Variants in GGACT observed in about 807,000 individuals in gnomAD.
GGACT encodes the protein gamma-glutamylaminecyclotransferase.
For missense variants in GGACT, 241 were observed against 233.2 expected, an observed-to-expected ratio of 1.03 and a Z score of -0.22; for synonymous variants, 118 against 115.3, an observed-to-expected ratio of 1.02 and a Z score of -0.15.
intron 2 of GGACT, among the ~76,000 whole-genome samples, chr13:100,555,892 C>G (rs566383075): frequency 6.6e-6 from 1 of 152,164 alleles, no homozygotes; most frequent in African/African-American, 2.4e-5. Flanking sequence ...AACCACATGA[C>G]GATCTCAATA....
Position 100,532,154 on chromosome 13 carries a change from G to A in GGACT, c.438C>T (p.Arg146=). The change falls in exon 3 of 3, where the codon CGC becomes CGT. Residue 146 remains arginine, a synonymous_variant. Transcript: ENST00000683975. ...CTTATCTGTTCTCCCGGGGGTTGTA[G>A]CGCAGCCCGTGCGGCCCCTCGGAGT... The part of the protein sequence containing the change: ...SYDSEGPHGL[R]YNPRENR 6.9e-7 allele frequency: 1 copy of A among 1,456,258 alleles called. No homozygotes were observed. Among genetic ancestry groups the A allele is most frequent in the Non-Finnish European group, 9.1e-7 (1 of 1,098,946 alleles). The allele number at this position is 1,456,258 out of a possible 1,614,324, so 90.2% of individuals were successfully genotyped here.
chr13:100,539,914 G>A, intron 2 of GGACT: 1 of 1,393,574 alleles, frequency 7.2e-7, no homozygotes, highest in East Asian at 2.3e-5. Context: ...CATGGGCTTT[G>A]GTGGGGGACG....
intron 2 of GGACT, among the ~76,000 whole-genome samples, chr13:100,574,120 A>G (rs1052970325): frequency 6.6e-6 from 1 of 152,256 alleles, no homozygotes; most frequent in African/African-American, 2.4e-5. Flanking sequence ...AACAGCAAAG[A>G]CATGGAACCA....
Position 100,531,183 on chromosome 13 carries a change from A to C in GGACT, c.*947T>G, listed in dbSNP as rs1284959467. On this transcript the variant is annotated 3_prime_UTR_variant, in exon 3 of 3. Transcript: ENST00000683975. ...AAGCAGAAGCAAGAGCCGTGCACCG[A>C]GTTGAATCGATGCTGACAATTATCA... 6.6e-6 allele frequency: 1 copy of C among 152,246 alleles called. No homozygotes were observed. Among genetic ancestry groups the C allele is most frequent in the Non-Finnish European group, 1.5e-5 (1 of 68,054 alleles). The allele number at this position is 152,246 out of a possible 1,614,324, so 9.4% of individuals were successfully genotyped here. A position where few individuals can be genotyped will look rare whatever the true frequency, so the allele number is the denominator to read the frequency against.
chr13:100,542,088 C>T (rs2088559906), intron 2 of GGACT, among the ~76,000 whole-genome samples: 2 of 152,206 alleles, frequency 1.3e-5, no homozygotes, highest in South Asian at 4.1e-4. Flanking sequence ...GAGTTAAGCA[C>T]TGAAACAAGC....
At chr13:100,578,717 G>C (rs1404275948) in intron 2 of GGACT, among the ~76,000 whole-genome samples, 1 of 152,120 alleles carries the variant, frequency 6.6e-6, no homozygotes, top group Admixed American at 6.5e-5. Flanking sequence ...TTATAATCTG[G>C]ATCTAACTTT....
chr13:100,568,285 G>A (rs1270001778), intron 2 of GGACT, among the ~76,000 whole-genome samples: 1 of 152,234 alleles, frequency 6.6e-6, no homozygotes, highest in African/African-American at 2.4e-5. Flanking sequence ...ACCCAAGACT[G>A]GGTAATTTAT....
rs1362774604 is a variant in GGACT, at chr13:100,534,444, C to T, written c.-10-1843G>A. ...CTGAGGAAGAGAAGAGGCAAGTGCT[C>T]AGGCCTAAAATTGCCAGGACTCGGC... On this transcript the variant is annotated intron_variant, in intron 2 of 2. Coordinates refer to ENST00000683975, the MANE Select transcript of GGACT (RefSeq NM_001195087.2). This position sits in a 1 kb window ranked among gnomAD's most constrained non-coding sequence, Gnocchi z 4.9. Among the ~76,000 whole-genome samples the T allele has an allele frequency of 6.6e-6, 1 of 152,134 alleles. No homozygotes were observed. Among genetic ancestry groups the T allele is most frequent in the Non-Finnish European group, 1.5e-5 (1 of 68,014 alleles).
At chr13:100,546,286 C>T (rs1019664609) in intron 2 of GGACT, among the ~76,000 whole-genome samples, 3 of 147,500 alleles carry the variant, frequency 2.0e-5, no homozygotes, top group South Asian at 4.3e-4. Context: ...GGCGTGAACC[C>T]GGTAGGCGGA....
chr13:100,565,849 C>T (rs1266599414), intron 2 of GGACT, among the ~76,000 whole-genome samples: 1 of 152,180 alleles, frequency 6.6e-6, no homozygotes, highest in Non-Finnish European at 1.5e-5. Flanking sequence ...CCTGCCCCTC[C>T]AAGCATGGGT....
intron 2 of GGACT, among the ~76,000 whole-genome samples, chr13:100,552,397 C>A (rs888611508): frequency 7.9e-5 from 12 of 152,284 alleles, no homozygotes; most frequent in African/African-American, 2.9e-4. Flanking sequence ...ACACGCCACC[C>A]CCCAACATAC....
In GGACT at chr13:100,532,395, T is replaced by A; in HGVS notation, c.197A>T (p.Glu66Val). The A allele has an allele frequency of 6.5e-7, 1 of 1,550,278 alleles. No individual in the cohort carries two copies. The highest frequency in any genetic ancestry group is 8.7e-7 in the Non-Finnish European group (1 of 1,146,640). The part of the protein sequence containing the change: ...LPGSGRLVEG[E>V]VYAVDERMLR... Reference sequence around the variant, plus strand: ...CATCCGCTCGTCTACCGCGTAGACCTCGCCCTCCACGAGGCGCCCCGAGCC... The same window carrying A: ...CATCCGCTCGTCTACCGCGTAGACCACGCCCTCCACGAGGCGCCCCGAGCC... Residue 66 changes from glutamate to valine, a missense_variant, in exon 3 of 3, where the codon GAG (glutamate) becomes GTG (valine). Physicochemically the swap from Glu to Val is moderately radical, Grantham distance 121. Transcript: ENST00000683975.
intron 2 of GGACT, among the ~76,000 whole-genome samples, chr13:100,546,284 C>T (rs2088602867): frequency 6.6e-6 from 1 of 150,574 alleles, no homozygotes; most frequent in Non-Finnish European, 1.5e-5. Flanking sequence ...ATGGCGTGAA[C>T]CCGGTAGGCG....
intron 2 of GGACT, among the ~76,000 whole-genome samples, chr13:100,544,955 C>T (rs577067504): frequency 1.6e-3 from 248 of 152,334 alleles, no homozygotes; most frequent in African/African-American, 5.5e-3. Context: ...ATTCCAGGCA[C>T]GGCAGCAGGA....
At chr13:100,556,018 T>C (rs576462427) in intron 2 of GGACT, among the ~76,000 whole-genome samples, 1 of 152,372 alleles carries the variant, frequency 6.6e-6, no homozygotes, top group East Asian at 1.9e-4. Flanking sequence ...CTGAAAAACC[T>C]ATGGCTAACA....
intron 1 of GGACT, among the ~76,000 whole-genome samples, chr13:100,588,172 C>T (rs919775025): frequency 6.6e-6 from 1 of 152,176 alleles, no homozygotes; most frequent in Non-Finnish European, 1.5e-5. Flanking sequence ...CAGAGTAAAA[C>T]AGCAATGATA....
chr13:100,578,645 A>C (rs1212592328), intron 2 of GGACT, among the ~76,000 whole-genome samples: 2 of 152,252 alleles, frequency 1.3e-5, no homozygotes, highest in Non-Finnish European at 2.9e-5. Context: ...CAATGCCGTC[A>C]AACCATTCTT....
chr13:100,536,422 A>G (rs1441593397), intron 2 of GGACT: 1 of 149,874 alleles, frequency 6.7e-6, no homozygotes, highest in Non-Finnish European at 1.5e-5. Flanking sequence ...CCAGGTCTAT[A>G]TTATATTCTG....
intron 2 of GGACT, among the ~76,000 whole-genome samples, chr13:100,549,930 G>GT (rs779222549): frequency 1.3e-5 from 2 of 152,140 alleles, no homozygotes; most frequent in African/African-American, 2.4e-5. Flanking sequence ...GCCTGATTAA[G>GT]TTTTTTTGTA....
Sources: allele counts gnomAD v4.1 joint callset (sites outside exome capture counted in the v4.1 genomes callset), GRCh38; gene constraint gnomAD v4.1.1; non-coding constraint Gnocchi (gnomAD v3.1); transcripts MANE v1.5; gene names NCBI Gene and HGNC (gene_info 2026-07-23, HGNC 2026-07-21).